The following ACAP2 variants were observed in gnomAD, a reference collection of about 807,000 sequenced individuals.
ACAP2 encodes the protein ArfGAP with coiled-coil, ankyrin repeat and PH domains 2.
A neutral mutation model predicts 115.8 loss-of-function variants in ACAP2; 39 were observed. That is an observed-to-expected ratio of 0.34 (90% CI 0.26 to 0.44). ACAP2 has a LOEUF of 0.44. Ranked by LOEUF, ACAP2 falls within the 20% of genes least tolerant of loss-of-function variation. The pLI, the probability that ACAP2 is intolerant of heterozygous loss-of-function variation, is 1.00. For synonymous variants in ACAP2, 289 were observed against 315.8 expected, an observed-to-expected ratio of 0.92 and a Z score of 0.90; for missense variants, 662 against 927.6, an observed-to-expected ratio of 0.71 and a Z score of 3.72.
At chr3:195,433,111 C>A (rs1715264516) in intron 1 of ACAP2, among the ~76,000 whole-genome samples, 1 of 152,078 alleles carries the variant, frequency 6.6e-6, no homozygotes, top group African/African-American at 2.4e-5. Flanking sequence ...CCTGCACTAC[C>A]CACTAATACC....
intron 10 of ACAP2, among the ~76,000 whole-genome samples, chr3:195,314,593 T>C (rs1221289363): frequency 6.6e-6 from 1 of 152,154 alleles, no homozygotes; most frequent in South Asian, 2.1e-4. Context: ...AATAGTTGAT[T>C]TTGATAAGAC....
chr3:195,320,721 A>C lies in ACAP2; in HGVS notation c.837T>G (p.Asn279Lys). The C allele has an allele frequency of 6.2e-7, 1 of 1,613,256 alleles. No individual in the cohort carries two copies. Among genetic ancestry groups the C allele is most frequent in the Non-Finnish European group, 8.5e-7 (1 of 1,179,372 alleles). The change falls in exon 10 of 23, where the codon AAT (asparagine) becomes AAG (lysine). Residue 279 changes from asparagine to lysine, a missense_variant. Around this residue, in one of 3 missense-constraint regions of ACAP2, gnomAD observed 401 missense variants for 604.4 expected, o/e 0.66. Transcript: ENST00000326793. ...MEGYLFKRAS[N>K]AFKTWNRRWF... Reference sequence around the variant, plus strand: ...ATTACCTGTTCCAAGTTTTGAAGGCATTGCTGGCTCGTTTGAACAGATATC... The same window carrying C: ...ATTACCTGTTCCAAGTTTTGAAGGCCTTGCTGGCTCGTTTGAACAGATATC...
intron 4 of ACAP2, among the ~76,000 whole-genome samples, chr3:195,359,622 C>T (rs1732215932): frequency 6.6e-6 from 1 of 152,156 alleles, no homozygotes. Flanking sequence ...CGCCCGCCAC[C>T]ACGCCCGGCT....
intron 10 of ACAP2, among the ~76,000 whole-genome samples, chr3:195,318,234 C>T (rs1242034929): frequency 1.3e-5 from 2 of 152,150 alleles, no homozygotes; most frequent in Non-Finnish European, 2.9e-5. Context: ...CAGGTAGTAT[C>T]TTTATAGCAG....
chr3:195,439,142 G>A (rs1292202280), intron 1 of ACAP2, among the ~76,000 whole-genome samples: 1 of 147,378 alleles, frequency 6.8e-6, no homozygotes, highest in Non-Finnish European at 1.5e-5. Flanking sequence ...ATTGTTAAAG[G>A]ATAAAAATAA....
chr3:195,437,067 A>G (rs1390116706), intron 1 of ACAP2, among the ~76,000 whole-genome samples: 1 of 152,236 alleles, frequency 6.6e-6, no homozygotes, highest in East Asian at 1.9e-4. Flanking sequence ...TTTTTTAAAG[A>G]GACAGGGTCT....
intron 22 of ACAP2, among the ~76,000 whole-genome samples, chr3:195,279,999 T>C (rs1440612565): frequency 6.6e-6 from 1 of 151,754 alleles, no homozygotes; most frequent in Non-Finnish European, 1.5e-5. Context: ...AATCCACTGC[T>C]TCCTAAACTC....
intron 9 of ACAP2, among the ~76,000 whole-genome samples, chr3:195,324,001 T>TA (rs1362639781): frequency 1.3e-5 from 2 of 152,206 alleles, no homozygotes; most frequent in African/African-American, 4.8e-5. Flanking sequence ...TGCATGCCTG[T>TA]ATCAAAATAT....
chr3:195,317,251 T>G (rs1347224767), intron 10 of ACAP2, among the ~76,000 whole-genome samples: 2 of 152,108 alleles, frequency 1.3e-5, no homozygotes. Context: ...ATAATTACAC[T>G]AGAAACCCAT....
At chr3:195,418,178 G>A (rs779691490) in intron 1 of ACAP2, among the ~76,000 whole-genome samples, 33 of 151,968 alleles carry the variant, frequency 2.2e-4, no homozygotes, top group Non-Finnish European at 4.0e-4. Context: ...TTCCAAATTC[G>A]TCTTTCACCT....
At chr3:195,442,546 G>A (rs1297240824) in intron 1 of ACAP2, among the ~76,000 whole-genome samples, 2 of 152,182 alleles carry the variant, frequency 1.3e-5, no homozygotes, top group African/African-American at 2.4e-5. Context: ...CCTTCGGGGC[G>A]CTCCGCCCCG....
intron 1 of ACAP2, chr3:195,410,651 GA>G (rs1157456631): frequency 1.3e-5 from 2 of 152,572 alleles, no homozygotes; most frequent in Non-Finnish European, 2.9e-5. Context: ...CACATGAAAA[GA>G]AGGTCAACAT....
chr3:195,337,835 TG>T (rs1730608752), intron 6 of ACAP2, among the ~76,000 whole-genome samples: 1 of 150,366 alleles, frequency 6.7e-6, no homozygotes, highest in African/African-American at 2.4e-5. Context: ...CAGTGTGATG[TG>T]GCCCCTACCT....
chr3:195,295,074 A>G (rs1727552870), intron 17 of ACAP2: 1 of 465,744 alleles, frequency 2.1e-6, no homozygotes, highest in South Asian at 2.0e-5. Context: ...AAAGAGCTTA[A>G]TTTATTATAT....
intron 4 of ACAP2, among the ~76,000 whole-genome samples, chr3:195,360,466 T>A (rs1732275713): frequency 6.6e-6 from 1 of 152,150 alleles, no homozygotes; most frequent in Non-Finnish European, 1.5e-5. Context: ...GGACAGATCA[T>A]CCAGACAGAA....
chr3:195,280,706 T>A (rs1726443660), intron 22 of ACAP2: 2 of 152,144 alleles, frequency 1.3e-5, no homozygotes, highest in African/African-American at 4.8e-5. Flanking sequence ...TTTCTTGTCA[T>A]GAGAAACTAA....
At chr3:195,355,868 T>C (rs1258226634) in intron 4 of ACAP2, among the ~76,000 whole-genome samples, 1 of 152,234 alleles carries the variant, frequency 6.6e-6, no homozygotes, top group Non-Finnish European at 1.5e-5. Context: ...GTGATTTATT[T>C]AAATATTATT....
At chr3:195,323,125 G>T (rs1411612763) in intron 9 of ACAP2, among the ~76,000 whole-genome samples, 1 of 152,106 alleles carries the variant, frequency 6.6e-6, no homozygotes, top group African/African-American at 2.4e-5. Flanking sequence ...CAAAACCAAG[G>T]CTGGTCAAAG....
chr3:195,332,693 C>T (rs1219645666), intron 8 of ACAP2, among the ~76,000 whole-genome samples: 1 of 152,136 alleles, frequency 6.6e-6, no homozygotes, highest in Admixed American at 6.5e-5. Flanking sequence ...TTCCCCCATG[C>T]TGGTACTCGT....
Sources: gnomAD v4.1 joint callset for allele counts (sites outside exome capture counted in the v4.1 genomes callset) on GRCh38, gnomAD v4.1.1 for gene constraint, gnomAD v4.1.1 regional missense constraint, MANE v1.5 for transcripts, NCBI Gene and HGNC (gene_info 2026-07-23, HGNC 2026-07-21) for gene names.